Variants in TRIP12 observed in about 807,000 individuals in gnomAD.
TRIP12 encodes the protein E3 ubiquitin-protein ligase TRIP12.
In TRIP12, 25 loss-of-function variants were observed where a neutral mutation model predicts 244.2. The observed-to-expected ratio is 0.10, with a 90% confidence interval of 0.07 to 0.14. The LOEUF (loss-of-function observed/expected upper bound fraction) is 0.14. Among genes scored for constraint, TRIP12 ranks in the 10% least tolerant of loss-of-function variants. The pLI, the probability that TRIP12 is intolerant of heterozygous loss-of-function variation, is 1.00. For missense variants in TRIP12, 1,677 were observed against 2,486.4 expected, an observed-to-expected ratio of 0.67 and a Z score of 6.92; for synonymous variants, 905 against 873.1, an observed-to-expected ratio of 1.04 and a Z score of -0.64.
chr2:229,773,991 T>C (rs2035416108), intron 38 of TRIP12, 106 bp downstream of exon 38: 5 of 1,173,324 alleles, frequency 4.3e-6, no homozygotes, highest in Admixed American at 4.5e-5. Context: ...GTCCTGGGGA[T>C]GTGGAAGGTC....
intron 33 of TRIP12, 126 bp from the exon 34 acceptor site, chr2:229,785,981 C>A: frequency 1.3e-6 from 1 of 746,846 alleles, no homozygotes. Context: ...TTTCCTTAAA[C>A]AGGTAACTCA....
chr2:229,889,705 T>C (rs1221390153), intron 1 of TRIP12, among the ~76,000 whole-genome samples: 1 of 152,210 alleles, frequency 6.6e-6, no homozygotes, highest in Non-Finnish European at 1.5e-5. Context: ...ATTTCAGTTT[T>C]TCTTCAATGG....
intron 2 of TRIP12, among the ~76,000 whole-genome samples, chr2:229,870,622 T>C (rs1276306710): frequency 6.6e-6 from 1 of 152,164 alleles, no homozygotes; most frequent in African/African-American, 2.4e-5. Context: ...AAGGCAAGCA[T>C]TTTAAAAGGA....
intron 19 of TRIP12, 105 bp from the exon 20 acceptor site, chr2:229,803,794 T>C: frequency 4.3e-6 from 4 of 927,404 alleles, no homozygotes; most frequent in Non-Finnish European, 6.6e-6. Flanking sequence ...TGTGAAACCA[T>C]TCTATTAACA....
In TRIP12 at chr2:229,920,732, G is replaced by A. The variant is rs534211761; in HGVS notation, c.-50+1148C>T. Reference sequence around the variant, plus strand: ...TGTGATTTCCCCCCGATTTACATGTGTTTTTATGTTTTTCCGCATTTTTCC... The same window carrying A: ...TGTGATTTCCCCCCGATTTACATGTATTTTTATGTTTTTCCGCATTTTTCC... On this transcript the variant is annotated intron_variant, in intron 1 of 41. Transcript: ENST00000675903. Among the ~76,000 whole-genome samples the A allele has an allele frequency of 3.3e-5, 5 of 152,130 alleles. No homozygotes were observed. The East Asian group carries it at 9.7e-4, about 29-fold the overall frequency.
intron 13 of TRIP12, among the ~76,000 whole-genome samples, chr2:229,813,075 A>T (rs896275824): frequency 2.0e-5 from 3 of 152,176 alleles, no homozygotes; most frequent in Non-Finnish European, 4.4e-5. Flanking sequence ...CATCAGGTCC[A>T]TTGATTCTGC....
intron 1 of TRIP12, among the ~76,000 whole-genome samples, chr2:229,916,701 C>T (rs557258218): frequency 6.6e-4 from 101 of 152,174 alleles, no homozygotes; most frequent in African/African-American, 2.4e-3. Context: ...TCACAATAAA[C>T]AACCAAAATC....
chr2:229,898,726 T>C (rs961162875), intron 1 of TRIP12, among the ~76,000 whole-genome samples: 1 of 152,206 alleles, frequency 6.6e-6, no homozygotes, highest in Non-Finnish European at 1.5e-5. Flanking sequence ...AGGGTCCCAC[T>C]GTCCACCAAG....
At chr2:229,775,103 A>C (rs1329935856) in intron 37 of TRIP12, among the ~76,000 whole-genome samples, 1 of 152,194 alleles carries the variant, frequency 6.6e-6, no homozygotes, top group East Asian at 1.9e-4. Flanking sequence ...GTAACAATTA[A>C]GGTACAGAAA....
chr2:229,856,041 G>GA (rs34935047), intron 4 of TRIP12, among the ~76,000 whole-genome samples: 521 of 97,100 alleles, frequency 5.4e-3, no homozygotes, highest in Admixed American at 5.8e-3. Flanking sequence ...CTCTGTCTCA[G>GA]AAAAAAAAAA....
At chr2:229,884,921 GATA>G (rs1407843661) in intron 1 of TRIP12, among the ~76,000 whole-genome samples, 5 of 152,156 alleles carry the variant, frequency 3.3e-5, no homozygotes, top group African/African-American at 1.2e-4. Context: ...GGCAGGCCGT[GATA>G]ATACTACTGC....
intron 2 of TRIP12, among the ~76,000 whole-genome samples, chr2:229,864,035 AGAGAGAGAGAGAGTGTGTGTGTGT>A (rs1483435576): frequency 8.3e-5 from 11 of 133,086 alleles, no homozygotes; most frequent in African/African-American, 3.3e-4. Flanking sequence ...AGAGAGAGAG[AGAGAGAGAGAGAGTGTGTGTGTGT>A]GTGTGTGTGT....
intron 4 of TRIP12, among the ~76,000 whole-genome samples, chr2:229,851,824 G>T (rs10196807): frequency 6.6e-6 from 1 of 151,964 alleles, no homozygotes; most frequent in Non-Finnish European, 1.5e-5. Context: ...AAACACATCC[G>T]AACATCAGAA....
chr2:229,836,897 T>C lies in TRIP12; in HGVS notation c.1221A>G (p.Ala407=), dbSNP rs772531026. Residue 407 remains alanine (A), a synonymous_variant, in exon 6 of 42, where the codon GCA becomes GCG. Transcript: ENST00000675903. ...KMADPESNQE[A]VNSSAARTDE... ...CTGTCCGAGCAGCTGAAGAATTTAC[T>C]GCCTCCTGGTTGCTTTCAGGGTCTG... is the stretch of plus-strand genomic sequence containing the variant. 6 of 1,604,740 alleles carry C rather than the reference T, an allele frequency of 3.7e-6. No individual in the cohort carries two copies. The highest frequency in any genetic ancestry group is 3.3e-5 in the South Asian group (3 of 89,834).
intron 1 of TRIP12, among the ~76,000 whole-genome samples, chr2:229,891,385 A>T (rs954699761): frequency 6.6e-6 from 1 of 152,124 alleles, no homozygotes; most frequent in Non-Finnish European, 1.5e-5. Flanking sequence ...AGATCATGCC[A>T]CTGTACTCTA....
At chr2:229,794,809 T>C (rs2042403855) in intron 26 of TRIP12, 1 of 155,034 alleles carries the variant, frequency 6.5e-6, no homozygotes, top group African/African-American at 2.4e-5. Context: ...ATATAAATCA[T>C]ATCGCTCAAA....
rs1576192065 is a variant in TRIP12, at chr2:229,859,292, T to C, written c.507A>G (p.Ser169=). Residue 169 remains serine (S), a synonymous_variant, in exon 4 of 42, where the codon TCA becomes TCG. Coordinates refer to ENST00000675903, the MANE Select transcript of TRIP12 (RefSeq NM_001348323.3). ...DQEQQLKSAQ[S]PSTSKAHTRK... is the part of the protein sequence containing the mutation. ...TGGTATGAGCCTTGCTTGTTGATGG[T>C]GATTGTGCAGATTTCAGTTGTTGCT... is the stretch of plus-strand genomic sequence containing the variant. The C allele has an allele frequency of 1.9e-6, 3 of 1,614,182 alleles. No homozygotes were observed. Among genetic ancestry groups the C allele is most frequent in the East Asian group, 4.5e-5 (2 of 44,882 alleles).
intron 4 of TRIP12, among the ~76,000 whole-genome samples, chr2:229,858,331 C>G (rs1301184026): frequency 4.6e-5 from 7 of 152,156 alleles, no homozygotes; most frequent in Non-Finnish European, 7.4e-5. Flanking sequence ...CCACTGCACT[C>G]CAGCCTAGGC....
At chr2:229,803,172 T>C (rs1174278268) in intron 20 of TRIP12, among the ~76,000 whole-genome samples, 2 of 152,256 alleles carry the variant, frequency 1.3e-5, no homozygotes, top group African/African-American at 4.8e-5. Context: ...TCTATCATTC[T>C]ATCAGACTCT....
Sources: allele counts gnomAD v4.1 joint callset (sites outside exome capture counted in the v4.1 genomes callset), GRCh38; gene constraint gnomAD v4.1.1; transcripts MANE v1.5; gene names NCBI Gene and HGNC (gene_info 2026-07-23, HGNC 2026-07-21).